EFCAB6: variants seen among roughly 807,000 people sequenced by gnomAD.
EFCAB6 encodes the protein EF-hand calcium binding domain 6, also known as EF-hand calcium-binding domain-containing protein 6.
EFCAB6 carries 156 observed loss-of-function variants against 169.8 expected under a neutral mutation model. The observed-to-expected ratio is 0.92, with a 90% CI of 0.81 to 1.05. The LOEUF is 1.05. Among genes scored for constraint, EFCAB6 ranks in the 50% least tolerant of loss-of-function variants. The probability of loss-of-function intolerance (pLI) is 0.00; values close to 1 mark genes in which losing one functional copy is unlikely to be tolerated. For synonymous variants in EFCAB6, 698 were observed against 676.4 expected, an observed-to-expected ratio of 1.03 and a Z score of -0.50; for missense variants, 1,800 against 1,829.1, an observed-to-expected ratio of 0.98 and a Z score of 0.29.
chr22:43,653,025 A>G (rs2056552761), intron 17 of EFCAB6, among the ~76,000 whole-genome samples: 1 of 152,208 alleles, frequency 6.6e-6, no homozygotes, highest in African/African-American at 2.4e-5. Context: ...TGGAAGGCAG[A>G]TCAATAGGAA....
intron 9 of EFCAB6, among the ~76,000 whole-genome samples, chr22:43,714,866 C>CT: frequency 6.6e-6 from 1 of 152,186 alleles, no homozygotes; most frequent in Non-Finnish European, 1.5e-5. Flanking sequence ...GAGGGATAAA[C>CT]TGTGATCAGT....
intron 17 of EFCAB6, among the ~76,000 whole-genome samples, chr22:43,643,369 C>T (rs529397645): frequency 6.6e-6 from 1 of 152,370 alleles, no homozygotes; most frequent in East Asian, 1.9e-4. Flanking sequence ...AGACTCAGCA[C>T]TGGAAGAAAT....
At chr22:43,651,718 G>T (rs1299371248) in intron 17 of EFCAB6, among the ~76,000 whole-genome samples, 3 of 152,240 alleles carry the variant, frequency 2.0e-5, no homozygotes, top group Non-Finnish European at 4.4e-5. Context: ...AAGCCACAGG[G>T]GCGGAGCTGC....
chr22:43,667,270 G>C lies in EFCAB6; in HGVS notation c.1817C>G (p.Thr606Ser), dbSNP rs1172103305. The change falls in exon 17 of 32, where the codon ACC (threonine) becomes AGC (serine). Residue 606 changes from threonine (T) to serine (S), a missense_variant and splice_region_variant. Physicochemically the swap from Thr to Ser is moderately conservative, Grantham distance 58. Transcript: ENST00000262726. ...EQQQPDLSER[T>S]KLTEDKTTLT... ...GGTGGTTTTATCCTCCGTGAGCTTG[G>C]TTCTAAAATCACAAGCAGGCATTTA... 1.2e-6 allele frequency: 2 copies of C among 1,612,818 alleles called. No homozygotes were observed. The highest frequency in any genetic ancestry group is 2.7e-5 in the African/African-American group (2 of 74,802).
At chr22:43,596,739 A>G (rs1384670514) in intron 23 of EFCAB6, among the ~76,000 whole-genome samples, 1 of 152,218 alleles carries the variant, frequency 6.6e-6, no homozygotes, top group Non-Finnish European at 1.5e-5. Context: ...TCACAGAAAT[A>G]GAAAAAACAA....
At chr22:43,575,358 G>GTTTTTTTT (rs34543550) in intron 26 of EFCAB6, among the ~76,000 whole-genome samples, 5 of 104,836 alleles carry the variant, frequency 4.8e-5, no homozygotes, top group Admixed American at 1.1e-4. Flanking sequence ...ATCCGGCTAT[G>GTTTTTTTT]TTTTTTTTTT....
At chr22:43,808,302 G>C (rs371961056) in intron 2 of EFCAB6, among the ~76,000 whole-genome samples, 5 of 152,288 alleles carry the variant, frequency 3.3e-5, no homozygotes, top group Admixed American at 6.5e-5. Flanking sequence ...CATGAATCTA[G>C]GTATCTTCGA....
At chr22:43,718,551 G>A (rs1203881504) in intron 8 of EFCAB6, among the ~76,000 whole-genome samples, 1 of 152,220 alleles carries the variant, frequency 6.6e-6, no homozygotes, top group African/African-American at 2.4e-5. Context: ...GGGAGGCCAA[G>A]ACGGGCAGAT....
chr22:43,579,440 CTACATGCAAGCATCATTCCA>C, intron 25 of EFCAB6, among the ~76,000 whole-genome samples: 1 of 138,194 alleles, frequency 7.2e-6, no homozygotes, highest in East Asian at 2.1e-4. Context: ...GCATCATTCC[CTACATGCAAGCATCATTCCA>C]TACATATAGG....
intron 17 of EFCAB6, among the ~76,000 whole-genome samples, chr22:43,661,116 T>C (rs1419031033): frequency 2.0e-5 from 3 of 152,242 alleles, no homozygotes; most frequent in Non-Finnish European, 4.4e-5. Flanking sequence ...GGCTCACATC[T>C]GTAATCCCAG....
chr22:43,612,657 C>A (rs1340831678), intron 21 of EFCAB6, among the ~76,000 whole-genome samples: 5 of 152,062 alleles, frequency 3.3e-5, no homozygotes, highest in Non-Finnish European at 5.9e-5. Flanking sequence ...TTTGGGAGGC[C>A]AAGGCGGGTG....
At chr22:43,773,154 A>G in intron 3 of EFCAB6, 51 bp from the exon 4 acceptor site, 2 of 1,577,998 alleles carry the variant, frequency 1.3e-6, no homozygotes, top group Non-Finnish European at 1.7e-6. Flanking sequence ...CCAAGATACT[A>G]AACAGAAACT....
intron 29 of EFCAB6, chr22:43,535,296 G>GTATTTCCT (rs2147014832): frequency 6.3e-6 from 1 of 159,312 alleles, no homozygotes; most frequent in East Asian, 1.8e-4. Flanking sequence ...CTATGACCAA[G>GTATTTCCT]TATTTCCTAA....
chr22:43,698,313 G>A (rs1008301075), intron 10 of EFCAB6, among the ~76,000 whole-genome samples: 2 of 152,142 alleles, frequency 1.3e-5, no homozygotes, highest in African/African-American at 4.8e-5. Context: ...CATCATGGAG[G>A]GGGCAAGAGT....
chr22:43,529,401 C>A (rs1305780290), intron 31 of EFCAB6, among the ~76,000 whole-genome samples: 2 of 152,132 alleles, frequency 1.3e-5, no homozygotes, highest in African/African-American at 2.4e-5. Context: ...GTGATAAGAC[C>A]GTAACAGAGC....
Position 43,546,881 on chromosome 22 carries a change from A to T in EFCAB6, c.3649-6524T>A, listed in dbSNP as rs1411533375. ...GAGTGAGACTCTGTCTCAAAAAAAA[A>T]AAAAGGATAATAAATAAAATAAAAG... is the stretch of plus-strand genomic sequence containing the variant. On this transcript the variant is annotated intron_variant, in intron 27 of 31. Transcript: ENST00000262726. Among the ~76,000 whole-genome samples, 3 of 151,972 alleles carry T rather than the reference A, an allele frequency of 2.0e-5. No homozygotes were observed. The East Asian group carries it at 5.8e-4, about 29-fold the overall frequency.
chr22:43,785,235 C>G (rs564849207), intron 2 of EFCAB6, among the ~76,000 whole-genome samples: 1 of 152,296 alleles, frequency 6.6e-6, no homozygotes, highest in African/African-American at 2.4e-5. Context: ...TATCATTCTT[C>G]TCAGCACACA....
At position 43,697,998 on chromosome 22, in the gene EFCAB6, G is replaced by A. The variant is rs532054281; in HGVS notation, c.1032-10417C>T. 4.6e-5 allele frequency among the ~76,000 whole-genome samples: 7 copies of A among 152,274 alleles called. No individual in the cohort carries two copies. In the East Asian group the frequency reaches 7.7e-4, roughly 17 times the overall value. Reference sequence around the variant, plus strand: ...ATGGTCTTTTGCCCAGGTCATAGACGCAGAGCCCCTTAACTGAGGGGGACT... The same window carrying A: ...ATGGTCTTTTGCCCAGGTCATAGACACAGAGCCCCTTAACTGAGGGGGACT... On this transcript the variant is annotated intron_variant, in intron 10 of 31. Coordinates refer to ENST00000262726, the MANE Select transcript of EFCAB6 (RefSeq NM_022785.4).
At chr22:43,800,428 C>CA (rs2062667616) in intron 2 of EFCAB6, among the ~76,000 whole-genome samples, 1 of 152,136 alleles carries the variant, frequency 6.6e-6, no homozygotes, top group Non-Finnish European at 1.5e-5. Context: ...TGTACATCCA[C>CA]AAAAAAGACA....
Sources: allele counts gnomAD v4.1 joint callset (sites outside exome capture counted in the v4.1 genomes callset), GRCh38; gene constraint gnomAD v4.1.1; transcripts MANE v1.5; gene names NCBI Gene and HGNC (gene_info 2026-07-23, HGNC 2026-07-21).